EZH1: variants seen among roughly 807,000 people sequenced by gnomAD.
The protein encoded by EZH1 is enhancer of zeste 1 polycomb repressive complex 2 subunit.
A neutral mutation model predicts 100.5 loss-of-function variants in EZH1; 33 were observed. The observed-to-expected ratio is 0.33, with a 90% CI of 0.25 to 0.44. The LOEUF is 0.44. Ranked by LOEUF, EZH1 falls within the 20% of genes least tolerant of loss-of-function variation. The pLI is 1.00. For missense variants in EZH1, 475 were observed against 928.4 expected (o/e 0.51, Z 6.35); for synonymous variants, 272 against 313.8 (o/e 0.87, Z 1.41).
At chr17:42,708,126 T>A in intron 14 of EZH1, 43 bp from the exon 15 acceptor site, 2 of 1,542,834 alleles carry the variant, frequency 1.3e-6, no homozygotes, top group Non-Finnish European at 1.7e-6. Context: ...GACCATACTC[T>A]CCAGCTGTCT....
At chr17:42,729,310 T>G (rs1273805284) in intron 2 of EZH1, 1 of 194,098 alleles carries the variant, frequency 5.2e-6, no homozygotes, top group Non-Finnish European at 1.1e-5. Context: ...AGGAGGCTGA[T>G]GTGGGAGGAC....
Position 42,701,307 on chromosome 17 carries a change from G to A in EZH1, c.*1225C>T, listed in dbSNP as rs1008389190. 4 of 152,810 alleles carry A rather than the reference G, an allele frequency of 2.6e-5. No individual in the cohort carries two copies. Among genetic ancestry groups the A allele is most frequent in the African/African-American group, 9.7e-5 (4 of 41,446 alleles). 9.5% of individuals were successfully genotyped at this position (152,810 alleles called of 1,614,324 possible). ...AGACCTTTTAAAAGAAATGGTTAAA[G>A]TGCTTTGCTCTGCATGAATGCCAGA... On this transcript the variant is annotated 3_prime_UTR_variant, in exon 21 of 21. Transcript: ENST00000428826.
chr17:42,703,547 T>G, intron 19 of EZH1, 193 bp downstream of exon 19: 1 of 587,994 alleles, frequency 1.7e-6, no homozygotes, highest in Admixed American at 3.1e-5. Context: ...TGGGAAAGTG[T>G]TTATAATGTA....
chr17:42,737,513 A>C (rs534991043), intron 1 of EZH1, among the ~76,000 whole-genome samples: 1 of 152,168 alleles, frequency 6.6e-6, no homozygotes, highest in African/African-American at 2.4e-5. Flanking sequence ...TGAGGTGAGA[A>C]GACAGATGGA....
chr17:42,738,175 C>G (rs75450136), intron 1 of EZH1, among the ~76,000 whole-genome samples: 1 of 57,178 alleles, frequency 1.7e-5, no homozygotes, highest in Non-Finnish European at 3.8e-5. Context: ...GACTCTGTCT[C>G]AAAAAAAAAA....
chr17:42,707,875 A>C, intron 15 of EZH1, 83 bp downstream of exon 15: 1 of 1,564,054 alleles, frequency 6.4e-7, no homozygotes, highest in Non-Finnish European at 8.8e-7. Context: ...CATAAGCAGT[A>C]AAGGGCACAG....
chr17:42,718,575 G>C lies in EZH1; in HGVS notation c.810C>G (p.Pro270=), dbSNP rs753465877. The part of the protein sequence containing the change: ...LTEMSDPNAL[P]PQCTPNIDGP... ...CATCGATGTTGGGTGTGCACTGAGG[G>C]GGAAGTGCATTGGGGTCTGACATCT... Residue 270 remains proline (P), a synonymous_variant, in exon 9 of 21, where the codon CCC becomes CCG. Coordinates refer to ENST00000428826, the MANE Select transcript of EZH1 (RefSeq NM_001991.5). The surrounding 1 kb of genome is among the most constrained non-coding windows in gnomAD (Gnocchi z 4.2). 6.2e-7 allele frequency: 1 copy of C among 1,614,164 alleles called. No individual in the cohort carries two copies. The highest frequency in any genetic ancestry group is 8.5e-7 in the Non-Finnish European group (1 of 1,180,010).
At chr17:42,724,200 G>T in intron 5 of EZH1, 105 bp downstream of exon 5, 2 of 1,331,104 alleles carry the variant, frequency 1.5e-6, no homozygotes, top group Non-Finnish European at 2.1e-6. Context: ...GCATGTCCTA[G>T]CTGTGTTAAT....
At chr17:42,714,363 T>A (rs2053548104) in intron 10 of EZH1, 1 of 295,256 alleles carries the variant, frequency 3.4e-6, no homozygotes, top group East Asian at 7.8e-5. Flanking sequence ...AACTAGGCTG[T>A]CCTGAGCCCC....
In EZH1 at chr17:42,732,308, A is replaced by T. The variant is rs577852678; in HGVS notation, c.-102-1390T>A. Among the ~76,000 whole-genome samples the T allele has an allele frequency of 4.6e-5, 7 of 152,122 alleles. No homozygotes were observed. In the East Asian group the frequency reaches 7.7e-4, roughly 17 times the overall value. ...TCAGATCCTATCTCTATTTTTCAAA[A>T]TTTTCTTTTGCTGTTGTTTTTGTTA... is the stretch of plus-strand genomic sequence containing the variant. On this transcript the variant is annotated intron_variant, in intron 1 of 20. Coordinates refer to ENST00000428826, the MANE Select transcript of EZH1 (RefSeq NM_001991.5).
intron 7 of EZH1, 151 bp downstream of exon 7, chr17:42,720,122 C>G: frequency 1.5e-6 from 1 of 686,436 alleles, no homozygotes; most frequent in Admixed American, 3.4e-5. Flanking sequence ...TCACAGCTAT[C>G]TGAAGCTATC....
intron 4 of EZH1, among the ~76,000 whole-genome samples, chr17:42,726,686 G>T (rs996957121): frequency 1.3e-5 from 2 of 151,328 alleles, no homozygotes; most frequent in African/African-American, 4.9e-5. Context: ...TAATTTTTTT[G>T]TACTATTAGT....
In EZH1 at chr17:42,718,706, G is replaced by T; in HGVS notation, c.768-89C>A. On this transcript the variant is annotated intron_variant, in intron 8 of 20. Coordinates refer to ENST00000428826, the MANE Select transcript of EZH1 (RefSeq NM_001991.5). The surrounding 1 kb of genome is among the most constrained non-coding windows in gnomAD (Gnocchi z 4.2). ...TGGGTACTGACAGTAGCTCACCTACGGTCTGCCAAGGGAGGATGGGTGTTT... is the reference window on the plus strand; with the variant it reads ...TGGGTACTGACAGTAGCTCACCTACTGTCTGCCAAGGGAGGATGGGTGTTT... 7.3e-7 allele frequency: 1 copy of T among 1,375,722 alleles called. No homozygotes were observed. The highest frequency in any genetic ancestry group is 1.0e-6 in the Non-Finnish European group (1 of 989,660). 85.2% of individuals were successfully genotyped at this position (1,375,722 alleles called of 1,614,324 possible). A position where few individuals can be genotyped will look rare whatever the true frequency, so the allele number is the denominator to read the frequency against.
At position 42,706,521 on chromosome 17, in the gene EZH1, C is replaced by T. The variant is rs1597823756; in HGVS notation, c.1661-336G>A. Among the ~76,000 whole-genome samples, 1 of 149,924 alleles carries T rather than the reference C, an allele frequency of 6.7e-6. No homozygotes were observed. The highest frequency in any genetic ancestry group is 2.5e-5 in the African/African-American group (1 of 40,694). On this transcript the variant is annotated intron_variant, in intron 15 of 20. Transcript: ENST00000428826. This position sits in a 1 kb window ranked among gnomAD's most constrained non-coding sequence, Gnocchi z 4.4. ...GCAACATAGGGAGATCCTGTCTCCA[C>T]AAAAAAATTAAAAAAAAAAATAGCC...
At chr17:42,735,810 A>AC (rs1186963113) in intron 1 of EZH1, among the ~76,000 whole-genome samples, 2 of 152,152 alleles carry the variant, frequency 1.3e-5, no homozygotes, top group African/African-American at 2.4e-5. Context: ...ACATTGTGAA[A>AC]CCCCATCTCT....
At chr17:42,719,405 G>T (rs1011892039) in intron 7 of EZH1, among the ~76,000 whole-genome samples, 198 bp from the exon 8 acceptor site, 5 of 152,198 alleles carry the variant, frequency 3.3e-5, no homozygotes, top group Admixed American at 3.3e-4. Context: ...AAGGAAGTTA[G>T]AGTAGTCTAC....
intron 6 of EZH1, among the ~76,000 whole-genome samples, chr17:42,721,900 C>T (rs1246648589): frequency 1.3e-5 from 2 of 151,670 alleles, no homozygotes; most frequent in Non-Finnish European, 2.9e-5. Context: ...GCCTGTAATC[C>T]CAGCACTTTG....
chr17:42,726,213 C>CTTT (rs1242560610), intron 4 of EZH1, among the ~76,000 whole-genome samples: 10 of 88,556 alleles, frequency 1.1e-4, no homozygotes, highest in African/African-American at 1.8e-4. Flanking sequence ...GAGACAGTCT[C>CTTT]TTTTTTTTTT....
intron 18 of EZH1, 73 bp from the exon 19 acceptor site, chr17:42,703,893 T>C: frequency 1.9e-6 from 2 of 1,078,864 alleles, no homozygotes; most frequent in Non-Finnish European, 2.9e-6. Context: ...GAATTTAAAA[T>C]CAGTTAAATG....
Sources: gnomAD v4.1 joint callset for allele counts (sites outside exome capture counted in the v4.1 genomes callset) on GRCh38, gnomAD v4.1.1 for gene constraint, Gnocchi (gnomAD v3.1) non-coding constraint, MANE v1.5 for transcripts, NCBI Gene and HGNC (gene_info 2026-07-23, HGNC 2026-07-21) for gene names.